MANBAL: variants seen among roughly 807,000 people sequenced by gnomAD.
MANBAL encodes protein MANBAL.
In MANBAL, 1 loss-of-function variant was observed where a neutral mutation model predicts 6.4. That is an observed-to-expected ratio of 0.16 (90% CI 0.06 to 0.74). The LOEUF (loss-of-function observed/expected upper bound fraction) is 0.74, where lower values mean the gene tolerates loss of function less well. Among genes scored for constraint, MANBAL ranks in the 30% least tolerant of loss-of-function variants. MANBAL has a pLI of 0.78. For synonymous variants in MANBAL, 47 were observed against 45.8 expected (o/e 1.03, Z -0.10); for missense variants, 100 against 107.8 (o/e 0.93, Z 0.32).
At position 37,289,878 on chromosome 20, in the gene MANBAL, C is replaced by T. The variant is rs573048851; in HGVS notation, c.-57+192C>T. Among the ~76,000 whole-genome samples the T allele has an allele frequency of 1.5e-3, 223 of 152,344 alleles. 1 individual carries two copies. The highest frequency in any genetic ancestry group is 5.2e-3 in the African/African-American group (216 of 41,578). On this transcript the variant is annotated intron_variant, in intron 1 of 2. Transcript: ENST00000373606. ...CTTCCGGAGGGGAATTTGAGCCCCC[C>T]GGGAGGCGGAGGGCCTCGCCTGGGG...
intron 2 of MANBAL, among the ~76,000 whole-genome samples, chr20:37,302,852 T>C (rs1568601155): frequency 6.6e-6 from 1 of 152,288 alleles, no homozygotes; most frequent in East Asian, 1.9e-4. Context: ...CTTTGTTCTT[T>C]GTCATACTTC....
Position 37,299,612 on chromosome 20 carries a change from C to G in MANBAL, c.-56-1596C>G, listed in dbSNP as rs149624740. Among the ~76,000 whole-genome samples, 13 of 152,252 alleles carry G rather than the reference C, an allele frequency of 8.5e-5. No individual in the cohort carries two copies. In the East Asian group the frequency reaches 1.4e-3, roughly 16 times the overall value. On this transcript the variant is annotated intron_variant, in intron 1 of 2. Coordinates refer to ENST00000373606, the MANE Select transcript of MANBAL (RefSeq NM_001003897.2). ...CAAAGGGTTTTAGATTCAAGTGGGC[C>G]TGGTTCCAAAGTAAATTTGCCCCTT...
In MANBAL at chr20:37,290,835, C is replaced by G. The variant is rs1262593538; in HGVS notation, c.-57+1149C>G. On this transcript the variant is annotated intron_variant, in intron 1 of 2. Transcript: ENST00000373606. ...TGTTTTCCTGCCTGGTCTTGAACTCCTGGAGGCAAGATATCCTTCCTCCTG... is the reference window on the plus strand; with the variant it reads ...TGTTTTCCTGCCTGGTCTTGAACTCGTGGAGGCAAGATATCCTTCCTCCTG... Among the ~76,000 whole-genome samples the G allele has an allele frequency of 2.6e-5, 4 of 152,302 alleles. No homozygotes were observed. The South Asian group carries it at 6.2e-4, about 24-fold the overall frequency.
chr20:37,299,647 G>A (rs964678624), intron 1 of MANBAL, among the ~76,000 whole-genome samples: 21 of 152,176 alleles, frequency 1.4e-4, no homozygotes, highest in Admixed American at 1.3e-4. Flanking sequence ...TTATCATTGG[G>A]ATGGGCAGAA....
rs759409166 is a variant in MANBAL, at chr20:37,301,425, C to T, written c.150+12C>T. 1.6e-5 allele frequency: 25 copies of T among 1,608,312 alleles called. No individual in the cohort carries two copies. The highest frequency in any genetic ancestry group is 1.8e-5 in the Non-Finnish European group (21 of 1,176,460). On this transcript the variant is annotated intron_variant, in intron 2 of 2. Coordinates refer to ENST00000373606, the MANE Select transcript of MANBAL (RefSeq NM_001003897.2). ...AGTCCCACGAGGCGGTGAGTTTTTC[C>T]CTGGGAGCCTCAGCTCCTCTGAGTG...
At chr20:37,303,935 C>T (rs1278560753) in intron 2 of MANBAL, among the ~76,000 whole-genome samples, 1 of 152,210 alleles carries the variant, frequency 6.6e-6, no homozygotes, top group African/African-American at 2.4e-5. Context: ...CCACTCTTAT[C>T]ATTTCTGGGA....
chr20:37,316,625 TAG>T lies in MANBAL; in HGVS notation c.*213_*214del, dbSNP rs1220092653. The T allele has an allele frequency of 1.5e-5, 7 of 465,958 alleles. No individual in the cohort carries two copies. The Admixed American group carries it at 2.5e-4, about 16-fold the overall frequency. The allele number at this position is 465,958 out of a possible 1,614,324, so 28.9% of individuals were successfully genotyped here. ...TCTTCCTTCTGCTTCTGTGACGGTT[TAG>T]AGTCAAGGGGGCTGAAACACACTGT... On this transcript the variant is annotated 3_prime_UTR_variant, in exon 3 of 3. Coordinates refer to ENST00000373606, the MANE Select transcript of MANBAL (RefSeq NM_001003897.2).
intron 1 of MANBAL, among the ~76,000 whole-genome samples, chr20:37,290,801 G>A (rs1486521410): frequency 6.6e-6 from 1 of 152,056 alleles, no homozygotes; most frequent in Non-Finnish European, 1.5e-5. Flanking sequence ...TAGAGATGGA[G>A]TCTCACTATG....
At chr20:37,297,806 C>T (rs1280655041) in intron 1 of MANBAL, among the ~76,000 whole-genome samples, 1 of 152,024 alleles carries the variant, frequency 6.6e-6, no homozygotes, top group Non-Finnish European at 1.5e-5. Context: ...CCATGTCCGG[C>T]TAATTTTTTT....
intron 2 of MANBAL, chr20:37,302,211 G>T: frequency 6.5e-7 from 1 of 1,549,212 alleles, no homozygotes; most frequent in South Asian, 1.2e-5. Context: ...TACATCCCAG[G>T]AATTGGCTAT....
At chr20:37,299,698 C>T (rs1485912924) in intron 1 of MANBAL, among the ~76,000 whole-genome samples, 2 of 152,158 alleles carry the variant, frequency 1.3e-5, no homozygotes, top group African/African-American at 4.8e-5. Context: ...GGGAGCAGTT[C>T]AGTCATGCCA....
At chr20:37,309,422 T>A (rs1218960493) in intron 2 of MANBAL, among the ~76,000 whole-genome samples, 1 of 152,138 alleles carries the variant, frequency 6.6e-6, no homozygotes, top group East Asian at 1.9e-4. Context: ...GTGACCCCAG[T>A]GACTGAGAGT....
intron 2 of MANBAL, among the ~76,000 whole-genome samples, chr20:37,309,566 T>C (rs935712809): frequency 1.1e-4 from 16 of 152,122 alleles, no homozygotes; most frequent in African/African-American, 3.9e-4. Flanking sequence ...GTGGTGGCTT[T>C]CAATATGATG....
At chr20:37,313,809 A>G (rs567865746) in intron 2 of MANBAL, among the ~76,000 whole-genome samples, 3 of 152,162 alleles carry the variant, frequency 2.0e-5, no homozygotes, top group African/African-American at 7.2e-5. Context: ...AAGGCTAGAC[A>G]GTGAGTAGGA....
rs943640970 is a variant in MANBAL at position 37,316,755 on chromosome 20, G to A, written c.*340G>A. 87 of 222,198 alleles carry A rather than the reference G, an allele frequency of 3.9e-4. No homozygotes were observed. The highest frequency in any genetic ancestry group is 7.3e-4 in the Non-Finnish European group (82 of 111,708). The allele number at this position is 222,198 out of a possible 1,614,324, so 13.8% of individuals were successfully genotyped here. A position where few individuals can be genotyped will look rare whatever the true frequency, so the allele number is the denominator to read the frequency against. ...CTCCTTGAGTTGCCCCCTCCTTGTG[G>A]GTTTACACTACATTTGGGAGTCATT... On this transcript the variant is annotated 3_prime_UTR_variant, in exon 3 of 3. Coordinates refer to ENST00000373606, the MANE Select transcript of MANBAL (RefSeq NM_001003897.2).
At position 37,316,318 on chromosome 20, in the gene MANBAL, C is replaced by T. The variant is rs766579788; in HGVS notation, c.161C>T (p.Pro54Leu). The change falls in exon 3 of 3, where the codon CCG (proline) becomes CTG (leucine). Residue 54 changes from proline to leucine, a missense_variant. Coordinates refer to ENST00000373606, the MANE Select transcript of MANBAL (RefSeq NM_001003897.2). ...TTTATCACCTCACAGGAGGCTGAAC[C>T]GTCTGAGCCCAGAAGTGCTGAGGTG... is the stretch of plus-strand genomic sequence containing the variant. ...IPKSHEAEAE[P>L]SEPRSAEVTR... 8.2e-5 allele frequency: 133 copies of T among 1,613,370 alleles called. No individual in the cohort carries two copies. In the Admixed American group the frequency reaches 1.8e-3, roughly 22 times the overall value.
chr20:37,316,616 G>T lies in MANBAL; in HGVS notation c.*201G>T. On this transcript the variant is annotated 3_prime_UTR_variant, in exon 3 of 3. Transcript: ENST00000373606. ...ACCACTTCCTCTTCCTTCTGCTTCT[G>T]TGACGGTTTAGAGTCAAGGGGGCTG... 1 of 483,622 alleles carries T rather than the reference G, an allele frequency of 2.1e-6. No homozygotes were observed. The highest frequency in any genetic ancestry group is 3.8e-6 in the Non-Finnish European group (1 of 264,590). 30.0% of individuals were successfully genotyped at this position (483,622 alleles called of 1,614,324 possible). A position where few individuals can be genotyped will look rare whatever the true frequency, so the allele number is the denominator to read the frequency against.
At chr20:37,310,324 C>T (rs2069355653) in intron 2 of MANBAL, among the ~76,000 whole-genome samples, 3 of 152,372 alleles carry the variant, frequency 2.0e-5, no homozygotes, top group South Asian at 4.1e-4. Context: ...GTCTCAGGCC[C>T]TCATGGCCCG....
intron 1 of MANBAL, among the ~76,000 whole-genome samples, chr20:37,292,342 C>T (rs953937401): frequency 5.9e-5 from 9 of 152,166 alleles, no homozygotes; most frequent in African/African-American, 1.7e-4. Context: ...CCCGCTGTCG[C>T]CCAGGCTGGA....
Sources: gnomAD v4.1 joint callset for allele counts (sites outside exome capture counted in the v4.1 genomes callset) on GRCh38, gnomAD v4.1.1 for gene constraint, MANE v1.5 for transcripts, NCBI Gene and HGNC (gene_info 2026-07-23, HGNC 2026-07-21) for gene names.